The following UTRN variants were observed in gnomAD, a reference collection of about 807,000 sequenced individuals.
The protein encoded by UTRN is utrophin, also known as dystrophin-related protein 1.
A neutral mutation model predicts 463.9 loss-of-function variants in UTRN; 283 were observed. That is an observed-to-expected ratio of 0.61 (90% CI 0.55 to 0.67). UTRN has a LOEUF of 0.67. Among genes scored for constraint, UTRN ranks in the 30% least tolerant of loss-of-function variants. The pLI, the probability that UTRN is intolerant of heterozygous loss-of-function variation, is 0.00. For missense variants in UTRN, 3,922 were observed against 4,084.3 expected, an observed-to-expected ratio of 0.96 and a Z score of 1.08; for synonymous variants, 1,442 against 1,431.5, an observed-to-expected ratio of 1.01 and a Z score of -0.17.
At chr6:144,649,174 T>TA (rs903431859) in intron 51 of UTRN, among the ~76,000 whole-genome samples, 3 of 151,514 alleles carry the variant, frequency 2.0e-5, no homozygotes, top group African/African-American at 4.9e-5. Context: ...TGAATAGATT[T>TA]AAAAAAAACA....
chr6:144,809,420 T>C (rs1295311182), intron 65 of UTRN, among the ~76,000 whole-genome samples: 1 of 152,108 alleles, frequency 6.6e-6, no homozygotes, highest in African/African-American at 2.4e-5. Flanking sequence ...AATTCCAAGG[T>C]GTTAATGATA....
At position 144,781,997 on chromosome 6, in the gene UTRN, G is replaced by A. The variant is rs141091589; in HGVS notation, c.8708G>A (p.Ser2903Asn). 21 of 1,613,936 alleles carry A rather than the reference G, an allele frequency of 1.3e-5. No individual in the cohort carries two copies. The Admixed American group carries it at 1.8e-4, about 14-fold the overall frequency. Reference sequence around the variant, plus strand: ...TTGAACCAAAATGACCAGCTCCTCAGTGTTCCAGATGTCATCAACTGTCTG... The same window carrying A: ...TTGAACCAAAATGACCAGCTCCTCAATGTTCCAGATGTCATCAACTGTCTG... ...HKLNQNDQLL[S>N]VPDVINCLTT... The change falls in exon 61 of 75, where the codon AGT becomes AAT. Residue 2903 changes from serine (S) to asparagine (N), a missense_variant. By Grantham distance (46) the Ser-to-Asn change is conservative. Coordinates refer to ENST00000367545, the MANE Select transcript of UTRN (RefSeq NM_007124.3).
intron 2 of UTRN, among the ~76,000 whole-genome samples, chr6:144,371,081 A>G (rs1202212831): frequency 6.6e-6 from 1 of 152,302 alleles, no homozygotes; most frequent in East Asian, 1.9e-4. Flanking sequence ...CACTTATTCT[A>G]CACCTCTCAT....
chr6:144,447,538 G>A lies in UTRN; in HGVS notation c.1723-64G>A, dbSNP rs1169671113. ...AAAAGATACATGTTTAAAATTTTTG[G>A]CTGGGGAACAGAAAGACAAAGTCCT... On this transcript the variant is annotated intron_variant, in intron 15 of 74. Coordinates refer to ENST00000367545, the MANE Select transcript of UTRN (RefSeq NM_007124.3). 6 of 1,571,552 alleles carry A rather than the reference G, an allele frequency of 3.8e-6. No homozygotes were observed. The Admixed American group carries it at 5.7e-5, about 15-fold the overall frequency.
At chr6:144,844,095 T>G (rs924433398) in intron 73 of UTRN, among the ~76,000 whole-genome samples, 1 of 152,228 alleles carries the variant, frequency 6.6e-6, no homozygotes, top group Admixed American at 6.5e-5. Flanking sequence ...TCTCTGGTAT[T>G]ATATACAAGA....
chr6:144,819,049 C>G (rs922849267), intron 65 of UTRN, among the ~76,000 whole-genome samples: 1 of 152,134 alleles, frequency 6.6e-6, no homozygotes, highest in Non-Finnish European at 1.5e-5. Context: ...TTGGGAAGCC[C>G]TATATCCATA....
intron 2 of UTRN, among the ~76,000 whole-genome samples, chr6:144,324,691 G>A (rs1458385898): frequency 6.6e-6 from 1 of 152,246 alleles, no homozygotes; most frequent in Admixed American, 6.5e-5. Context: ...ACAGTTAAAA[G>A]TGGTAGAGCA....
intron 54 of UTRN, among the ~76,000 whole-genome samples, chr6:144,734,465 C>G (rs1309629819): frequency 6.6e-6 from 1 of 152,122 alleles, no homozygotes; most frequent in Admixed American, 6.6e-5. Context: ...TGTCAAGAAG[C>G]CCCTGCCCCC....
chr6:144,688,510 A>AT (rs1782982115), intron 52 of UTRN, among the ~76,000 whole-genome samples: 1 of 152,014 alleles, frequency 6.6e-6, no homozygotes, highest in African/African-American at 2.4e-5. Context: ...TATTCTAATT[A>AT]TTTTTTAATT....
chr6:144,352,843 GA>G (rs1337508775), intron 2 of UTRN, among the ~76,000 whole-genome samples: 1 of 152,184 alleles, frequency 6.6e-6, no homozygotes, highest in African/African-American at 2.4e-5. Context: ...GTTTTATAAT[GA>G]ATCATTTTTA....
At chr6:144,383,392 AGATT>A (rs1362680869) in intron 2 of UTRN, among the ~76,000 whole-genome samples, 1 of 152,200 alleles carries the variant, frequency 6.6e-6, no homozygotes, top group African/African-American at 2.4e-5. Flanking sequence ...CTTTTACGAT[AGATT>A]AACTAAGAAA....
chr6:144,746,219 T>C (rs1790727566), intron 54 of UTRN, among the ~76,000 whole-genome samples: 1 of 152,100 alleles, frequency 6.6e-6, no homozygotes, highest in African/African-American at 2.4e-5. Flanking sequence ...GCCAGGCTGG[T>C]CTCAAACTCC....
intron 43 of UTRN, 147 bp from the exon 44 acceptor site, chr6:144,537,435 T>C (rs1340767679): frequency 2.3e-6 from 1 of 439,624 alleles, no homozygotes; most frequent in African/African-American, 2.1e-5. Context: ...AATATATACA[T>C]TGTTTCACTT....
chr6:144,293,899 T>A (rs990513339), intron 2 of UTRN, among the ~76,000 whole-genome samples: 1 of 151,420 alleles, frequency 6.6e-6, no homozygotes, highest in Non-Finnish European at 1.5e-5. Context: ...GTGTGATGTG[T>A]GTGTGTGTGT....
intron 46 of UTRN, among the ~76,000 whole-genome samples, chr6:144,545,884 G>A (rs1048852849): frequency 2.6e-5 from 4 of 152,154 alleles, no homozygotes; most frequent in African/African-American, 7.2e-5. Context: ...GCTGGGCGTG[G>A]TGGCGGGCGC....
chr6:144,643,809 A>C (rs1318992831), intron 51 of UTRN, among the ~76,000 whole-genome samples: 1 of 144,892 alleles, frequency 6.9e-6, no homozygotes, highest in African/African-American at 2.6e-5. Flanking sequence ...AAAAAAAAAA[A>C]TTTGTTAATT....
intron 65 of UTRN, among the ~76,000 whole-genome samples, chr6:144,806,530 A>G (rs1778162749): frequency 6.6e-6 from 1 of 152,184 alleles, no homozygotes; most frequent in Non-Finnish European, 1.5e-5. Flanking sequence ...AGATACTTGC[A>G]TTTAATAGCA....
At chr6:144,422,074 G>A (rs1331682076) in intron 4 of UTRN, 104 bp downstream of exon 4, 9 of 869,460 alleles carry the variant, frequency 1.0e-5, no homozygotes, top group Non-Finnish European at 1.5e-5. Flanking sequence ...TTTACTTTAC[G>A]TTCAAATGTA....
At chr6:144,448,456 A>C in intron 16 of UTRN, 144 bp from the exon 17 acceptor site, 1 of 915,338 alleles carries the variant, frequency 1.1e-6, no homozygotes, top group Non-Finnish European at 1.6e-6. Context: ...TTCTGGAGAC[A>C]GACTGTGAGG....
Sources: allele counts gnomAD v4.1 joint callset (sites outside exome capture counted in the v4.1 genomes callset), GRCh38; gene constraint gnomAD v4.1.1; transcripts MANE v1.5; gene names NCBI Gene and HGNC (gene_info 2026-07-23, HGNC 2026-07-21).